FBXW4: variants seen among roughly 807,000 people sequenced by gnomAD.
FBXW4 encodes F-box/WD repeat-containing protein 4.
A neutral mutation model predicts 61.8 loss-of-function variants in FBXW4; 40 were observed. The ratio of observed to expected loss-of-function variants is 0.65; its 90% CI spans 0.50 to 0.84. The LOEUF (loss-of-function observed/expected upper bound fraction) is 0.84. Among genes scored for constraint, FBXW4 ranks in the 40% least tolerant of loss-of-function variants. FBXW4 has a pLI of 0.00. For missense variants in FBXW4, 672 were observed against 753.8 expected, an observed-to-expected ratio of 0.89 and a Z score of 1.27; for synonymous variants, 311 against 313.8, an observed-to-expected ratio of 0.99 and a Z score of 0.10.
intron 6 of FBXW4, among the ~76,000 whole-genome samples, chr10:101,617,440 T>C (rs1390306394): frequency 2.6e-5 from 4 of 151,872 alleles, no homozygotes; most frequent in Admixed American, 6.6e-5. Flanking sequence ...CTGGTGGAGG[T>C]AGTGAGAGAA....
intron 5 of FBXW4, among the ~76,000 whole-genome samples, chr10:101,662,187 A>C (rs964774364): frequency 2.0e-5 from 3 of 152,204 alleles, no homozygotes; most frequent in African/African-American, 7.2e-5. Flanking sequence ...ATGTATTTCA[A>C]CAGGCCGCTG....
rs1419947770 is a variant in FBXW4, at chr10:101,611,459, G to A, written c.1585-49C>T. The A allele has an allele frequency of 6.9e-6, 11 of 1,593,662 alleles. No homozygotes were observed. The East Asian group carries it at 1.8e-4, about 26-fold the overall frequency. ...GGTAAGAGCTTTCCAAGTGGGACAT[G>A]GGTGTGCCCTAACCCAGGATCCCCA... On this transcript the variant is annotated intron_variant, in intron 8 of 8. Coordinates refer to ENST00000331272, the MANE Select transcript of FBXW4 (RefSeq NM_022039.4). The surrounding 1 kb of genome is among the most constrained non-coding windows in gnomAD (Gnocchi z 4.9).
intron 4 of FBXW4, among the ~76,000 whole-genome samples, chr10:101,669,670 A>G (rs981918252): frequency 6.6e-6 from 1 of 152,168 alleles, no homozygotes; most frequent in Non-Finnish European, 1.5e-5. Context: ...GAGGGACAAG[A>G]GTTGACAACA....
intron 5 of FBXW4, chr10:101,659,974 A>G (rs1192157987): frequency 2.0e-6 from 1 of 494,464 alleles, no homozygotes; most frequent in African/African-American, 2.1e-5. Context: ...AAGCATGGAA[A>G]TCTGTATCTT....
intron 5 of FBXW4, among the ~76,000 whole-genome samples, chr10:101,633,058 T>C (rs539283336): frequency 1.3e-5 from 2 of 152,212 alleles, no homozygotes; most frequent in Non-Finnish European, 2.9e-5. Context: ...CTAGTAATCA[T>C]GTGATCCAGA....
At position 101,624,780 on chromosome 10, in the gene FBXW4, C is replaced by T. The variant is rs1402699548; in HGVS notation, c.1266G>A (p.Gly422=). Residue 422 remains glycine (G), a synonymous_variant, in exon 6 of 9, where the codon GGG becomes GGA. Transcript: ENST00000331272. ...SSFVTGTACC[G]HFSPLRIWDL... is the part of the protein sequence containing the mutation. ...CCCAGATTCTCAGGGGTGAGAAGTGCCCGCAACAAGCCGTCCCTGTCACAA... is the reference window on the plus strand; with the variant it reads ...CCCAGATTCTCAGGGGTGAGAAGTGTCCGCAACAAGCCGTCCCTGTCACAA... The T allele has an allele frequency of 3.1e-5, 50 of 1,614,226 alleles. No homozygotes were observed. Among genetic ancestry groups the T allele is most frequent in the Non-Finnish European group, 4.2e-5 (49 of 1,180,040 alleles).
At chr10:101,612,681 C>G (rs72844617) in intron 6 of FBXW4, among the ~76,000 whole-genome samples, 1 of 151,270 alleles carries the variant, frequency 6.6e-6, no homozygotes, top group African/African-American at 2.4e-5. Context: ...CCAGGCCCCA[C>G]CCCTCCCCCA....
At chr10:101,627,333 G>A (rs1424272392) in intron 5 of FBXW4, among the ~76,000 whole-genome samples, 1 of 152,154 alleles carries the variant, frequency 6.6e-6, no homozygotes, top group African/African-American at 2.4e-5. Flanking sequence ...TGGCACTTAG[G>A]AGGACTTAAG....
intron 6 of FBXW4, among the ~76,000 whole-genome samples, chr10:101,619,850 A>C (rs2063854653): frequency 6.6e-6 from 1 of 152,082 alleles, no homozygotes; most frequent in Non-Finnish European, 1.5e-5. Flanking sequence ...GGGCTGAGGG[A>C]ACAATGGTGA....
chr10:101,636,044 G>A (rs1195949508), intron 5 of FBXW4, among the ~76,000 whole-genome samples: 1 of 151,974 alleles, frequency 6.6e-6, no homozygotes, highest in African/African-American at 2.4e-5. Flanking sequence ...ATAATGTTAA[G>A]CCTCTAGTAA....
At chr10:101,682,077 A>C (rs2064483842) in intron 1 of FBXW4, among the ~76,000 whole-genome samples, 1 of 152,098 alleles carries the variant, frequency 6.6e-6, no homozygotes. Flanking sequence ...AAATCACTAC[A>C]AAAAAAGTTA....
chr10:101,661,677 C>T (rs2134876101), intron 5 of FBXW4, among the ~76,000 whole-genome samples: 1 of 152,350 alleles, frequency 6.6e-6, no homozygotes, highest in Admixed American at 6.5e-5. Flanking sequence ...TCATCCAGGG[C>T]ACCACAGGCA....
intron 5 of FBXW4, among the ~76,000 whole-genome samples, chr10:101,666,057 C>G (rs776873853): frequency 6.6e-6 from 1 of 152,142 alleles, no homozygotes; most frequent in Non-Finnish European, 1.5e-5. Context: ...ATTCAGCCCA[C>G]GGATACCCAG....
chr10:101,639,483 T>TGGAGTCA (rs2064033074), intron 5 of FBXW4, among the ~76,000 whole-genome samples: 1 of 152,238 alleles, frequency 6.6e-6, no homozygotes, highest in South Asian at 2.1e-4. Flanking sequence ...CTGGACATCA[T>TGGAGTCA]GGAGTCATTT....
chr10:101,616,215 C>T (rs2063825846), intron 6 of FBXW4, among the ~76,000 whole-genome samples: 1 of 152,186 alleles, frequency 6.6e-6, no homozygotes, highest in Non-Finnish European at 1.5e-5. Context: ...GACCACCTTC[C>T]ATCTCTGCTG....
At chr10:101,636,799 G>C (rs2064005553) in intron 5 of FBXW4, among the ~76,000 whole-genome samples, 1 of 151,976 alleles carries the variant, frequency 6.6e-6, no homozygotes, top group Non-Finnish European at 1.5e-5. Flanking sequence ...ATGTTGGTCA[G>C]GCTGGTCCCG....
intron 5 of FBXW4, among the ~76,000 whole-genome samples, chr10:101,635,509 T>C (rs906765596): frequency 2.6e-5 from 4 of 151,800 alleles, no homozygotes; most frequent in Non-Finnish European, 5.9e-5. Context: ...TGCTGATATA[T>C]AGTCAAAAGA....
Position 101,611,673 on chromosome 10 carries a change from G to A in FBXW4, c.1539C>T (p.Tyr513=), listed in dbSNP as rs142927609. The A allele has an allele frequency of 2.6e-5, 42 of 1,614,082 alleles. No individual in the cohort carries two copies. Among genetic ancestry groups the A allele is most frequent in the East Asian group, 4.5e-5 (2 of 44,892 alleles). Residue 513 remains tyrosine (Y), a synonymous_variant, in exon 8 of 9, where the codon TAC becomes TAT. Coordinates refer to ENST00000331272, the MANE Select transcript of FBXW4 (RefSeq NM_022039.4). The surrounding 1 kb of genome is among the most constrained non-coding windows in gnomAD (Gnocchi z 4.9). ...NHLLATGSSY[Y]GVVRLWDRRQ... is the part of the protein sequence containing the mutation. ...GCCGGTCCCACAGCCGTACAACACCGTAGTAGGAGGAACCTGTGGCCAGCA... is the reference window on the plus strand; with the variant it reads ...GCCGGTCCCACAGCCGTACAACACCATAGTAGGAGGAACCTGTGGCCAGCA...
chr10:101,648,078 G>T (rs1411194904), intron 5 of FBXW4, among the ~76,000 whole-genome samples: 3 of 152,170 alleles, frequency 2.0e-5, no homozygotes, highest in Non-Finnish European at 4.4e-5. Flanking sequence ...CTAGGCAAAG[G>T]GATTAGGCCT....
Sources: allele counts gnomAD v4.1 joint callset (sites outside exome capture counted in the v4.1 genomes callset), GRCh38; gene constraint gnomAD v4.1.1; non-coding constraint Gnocchi (gnomAD v3.1); transcripts MANE v1.5; gene names NCBI Gene and HGNC (gene_info 2026-07-23, HGNC 2026-07-21).